The following PDE4D variants were observed in gnomAD, a reference collection of about 807,000 sequenced individuals.
PDE4D encodes phosphodiesterase 4D.
PDE4D carries 24 observed loss-of-function variants against 87.4 expected under a neutral mutation model. The observed-to-expected ratio is 0.27, with a 90% confidence interval of 0.20 to 0.39. The LOEUF (loss-of-function observed/expected upper bound fraction) is 0.39, where lower values mean the gene tolerates loss of function less well. Ranked by LOEUF, PDE4D falls within the 10% of genes least tolerant of loss-of-function variation. The pLI, the probability that PDE4D is intolerant of heterozygous loss-of-function variation, is 1.00. For synonymous variants in PDE4D, 384 were observed against 383.2 expected, an observed-to-expected ratio of 1.00 and a Z score of -0.02; for missense variants, 714 against 1,041.0, an observed-to-expected ratio of 0.69 and a Z score of 4.32.
chr5:59,001,394 G>T (rs1459799425), intron 6 of PDE4D, among the ~76,000 whole-genome samples: 1 of 152,122 alleles, frequency 6.6e-6, no homozygotes, highest in Non-Finnish European at 1.5e-5. Context: ...AAGCACTCCT[G>T]TAACACTGTG....
chr5:60,422,499 G>T (rs1295784853), intron 1 of PDE4D, among the ~76,000 whole-genome samples: 1 of 152,190 alleles, frequency 6.6e-6, no homozygotes, highest in Non-Finnish European at 1.5e-5. Context: ...AATGCTGAGA[G>T]ATTTTGTCAC....
intron 1 of PDE4D, among the ~76,000 whole-genome samples, chr5:60,349,895 T>C (rs1183863764): frequency 6.6e-6 from 1 of 152,162 alleles, no homozygotes; most frequent in African/African-American, 2.4e-5. Context: ...GAAGCAATTG[T>C]GTATACTTCT....
chr5:60,143,126 T>C, intron 2 of PDE4D, among the ~76,000 whole-genome samples: 1 of 152,182 alleles, frequency 6.6e-6, no homozygotes, highest in East Asian at 1.9e-4. Flanking sequence ...CCTTTTCTCT[T>C]CTACTCTATG....
chr5:59,140,484 T>C (rs1247387210), intron 5 of PDE4D, among the ~76,000 whole-genome samples: 1 of 152,212 alleles, frequency 6.6e-6, no homozygotes, highest in Non-Finnish European at 1.5e-5. Flanking sequence ...TTATAATGCC[T>C]CTTTGGGTTG....
At chr5:60,250,970 T>C (rs991990233) in intron 1 of PDE4D, among the ~76,000 whole-genome samples, 4 of 151,892 alleles carry the variant, frequency 2.6e-5, no homozygotes, top group African/African-American at 4.8e-5. Flanking sequence ...ACTGACTCTA[T>C]GTAGGCCTAG....
In PDE4D at chr5:59,912,990, A is replaced by G. The variant is rs188392156; in HGVS notation, c.272+75498T>C. On this transcript the variant is annotated intron_variant, in intron 3 of 16. Coordinates refer to the PDE4D transcript ENST00000502484. ...TTCTTCAAGCTGAGAACTGAATGAC[A>G]TGGAGGAACCAGAAATACAAACATT... 3.0e-4 allele frequency among the ~76,000 whole-genome samples: 46 copies of G among 152,300 alleles called. No individual in the cohort carries two copies. The East Asian group carries it at 7.0e-3, about 23-fold the overall frequency.
At chr5:59,754,711 C>A (rs1363593442) in intron 1 of PDE4D, among the ~76,000 whole-genome samples, 1 of 149,058 alleles carries the variant, frequency 6.7e-6, no homozygotes, top group East Asian at 2.0e-4. Context: ...TGCATTGAGA[C>A]ATACTTTTTA....
At chr5:59,184,864 T>C (rs1006364014) in intron 4 of PDE4D, among the ~76,000 whole-genome samples, 2 of 152,120 alleles carry the variant, frequency 1.3e-5, no homozygotes, top group Non-Finnish European at 2.9e-5. Flanking sequence ...TGTGATGAGA[T>C]TATTCACCCA....
chr5:60,347,957 C>G (rs1182782077), intron 1 of PDE4D, among the ~76,000 whole-genome samples: 3 of 152,122 alleles, frequency 2.0e-5, no homozygotes, highest in South Asian at 4.1e-4. Flanking sequence ...TTGGAGTAAT[C>G]ACAATCAGCC....
At chr5:59,476,885 CTTA>C (rs1376402368) in intron 1 of PDE4D, among the ~76,000 whole-genome samples, 6 of 151,974 alleles carry the variant, frequency 3.9e-5, no homozygotes, top group Non-Finnish European at 5.9e-5. Flanking sequence ...GCAAACTACA[CTTA>C]TTAATAGCAT....
At chr5:60,020,499 C>T (rs893859885) in intron 2 of PDE4D, among the ~76,000 whole-genome samples, 3 of 152,114 alleles carry the variant, frequency 2.0e-5, no homozygotes, top group Non-Finnish European at 4.4e-5. Context: ...TATGTATACA[C>T]ACATACACAC....
intron 1 of PDE4D, among the ~76,000 whole-genome samples, chr5:59,655,952 G>A (rs758704184): frequency 5.9e-5 from 9 of 152,076 alleles, no homozygotes; most frequent in African/African-American, 9.7e-5. Context: ...AATAGTGCCC[G>A]GCTATGTTCA....
chr5:59,308,580 G>A (rs1301312394), intron 1 of PDE4D, among the ~76,000 whole-genome samples: 1 of 152,004 alleles, frequency 6.6e-6, no homozygotes, highest in Non-Finnish European at 1.5e-5. Flanking sequence ...CTAGCTTGTA[G>A]GCTTTCTGCT....
chr5:60,091,550 T>C (rs1775110305), intron 2 of PDE4D, among the ~76,000 whole-genome samples: 1 of 152,196 alleles, frequency 6.6e-6, no homozygotes, highest in African/African-American at 2.4e-5. Flanking sequence ...TGTAAATTAG[T>C]ACAGCTCCTG....
At chr5:59,624,807 T>A (rs370578042) in intron 1 of PDE4D, among the ~76,000 whole-genome samples, 1 of 152,238 alleles carries the variant, frequency 6.6e-6, no homozygotes, top group Non-Finnish European at 1.5e-5. Flanking sequence ...ATTGCTATAA[T>A]TGAGTTCCTA....
At chr5:59,590,614 C>G (rs796543043) in intron 1 of PDE4D, among the ~76,000 whole-genome samples, 4 of 152,244 alleles carry the variant, frequency 2.6e-5, no homozygotes, top group African/African-American at 9.6e-5. Context: ...ATTAGCAGGG[C>G]ACCACAAATT....
At chr5:59,524,195 G>A (rs993090581) in intron 1 of PDE4D, among the ~76,000 whole-genome samples, 46 of 152,202 alleles carry the variant, frequency 3.0e-4, no homozygotes, top group Non-Finnish European at 1.3e-4. Context: ...GAAAATGTGG[G>A]AAAATGTGCA....
chr5:59,102,479 A>T (rs1770922827), intron 5 of PDE4D, among the ~76,000 whole-genome samples: 1 of 152,186 alleles, frequency 6.6e-6, no homozygotes, highest in Non-Finnish European at 1.5e-5. Context: ...AGTTTTAATA[A>T]ATCAAATACC....
chr5:60,506,421 A>C (rs765759263), intron 1 of PDE4D, among the ~76,000 whole-genome samples: 1 of 152,232 alleles, frequency 6.6e-6, no homozygotes, highest in African/African-American at 2.4e-5. Context: ...TGAGGCTCTG[A>C]GGTTTGGAAC....
Sources: gnomAD v4.1 joint callset for allele counts (sites outside exome capture counted in the v4.1 genomes callset) on GRCh38, gnomAD v4.1.1 for gene constraint, MANE v1.5 for transcripts, NCBI Gene and HGNC (gene_info 2026-07-23, HGNC 2026-07-21) for gene names.